GSDMC: variants seen among roughly 807,000 people sequenced by gnomAD.
GSDMC encodes the protein gasdermin C.
Under a neutral mutation model 58.0 loss-of-function variants are expected in GSDMC, and 59 were observed. The observed-to-expected ratio is 1.02, with a 90% CI of 0.82 to 1.26. The LOEUF is 1.26. Among genes scored for constraint, GSDMC ranks in the 50% most tolerant of loss-of-function variants. The pLI, the probability that GSDMC is intolerant of heterozygous loss-of-function variation, is 0.00. For missense variants in GSDMC, 659 were observed against 598.5 expected (o/e 1.10, Z -1.06); for synonymous variants, 241 against 220.2 (o/e 1.09, Z -0.83).
chr8:129,706,799 C>G, the GSDMC span, among the ~76,000 whole-genome samples: 1 of 152,310 alleles, frequency 6.6e-6, no homozygotes, highest in Admixed American at 6.5e-5. Context: ...TTTGGAAAGC[C>G]ATATTCTCTC....
At chr8:129,716,111 G>A in the GSDMC span, among the ~76,000 whole-genome samples, 1 of 152,002 alleles carries the variant, frequency 6.6e-6, no homozygotes, top group African/African-American at 2.4e-5. Context: ...CAACATATGG[G>A]CAATTTTTTT....
chr8:129,778,237 G>C (rs1456738960), intron 1 of GSDMC, among the ~76,000 whole-genome samples: 2 of 152,148 alleles, frequency 1.3e-5, no homozygotes, highest in Non-Finnish European at 2.9e-5. Context: ...AAATCAGCAA[G>C]TGCAAAGATT....
chr8:129,729,074 G>C, the GSDMC span: 157,770 of 633,210 alleles, frequency 0.25, 27,435 homozygotes, highest in African/African-American at 0.65. Flanking sequence ...AAATAACTCA[G>C]TTGAAGCATC....
At chr8:129,740,828 C>T in the GSDMC span, among the ~76,000 whole-genome samples, 1 of 152,110 alleles carries the variant, frequency 6.6e-6, no homozygotes, top group Non-Finnish European at 1.5e-5. Context: ...TCCTTTACTG[C>T]ACAGAAGCTT....
chr8:129,754,850 A>G (rs1312436992), intron 6 of GSDMC, among the ~76,000 whole-genome samples: 2 of 152,224 alleles, frequency 1.3e-5, no homozygotes, highest in African/African-American at 2.4e-5. Context: ...ACTTAATAAT[A>G]GACTCAATCA....
chr8:129,733,457 A>G, the GSDMC span, among the ~76,000 whole-genome samples: 2 of 152,124 alleles, frequency 1.3e-5, no homozygotes, highest in Non-Finnish European at 2.9e-5. Flanking sequence ...CTGGGATGAA[A>G]CTTCCAGAGG....
chr8:129,717,762 T>G, the GSDMC span, among the ~76,000 whole-genome samples: 1 of 152,162 alleles, frequency 6.6e-6, no homozygotes, highest in South Asian at 2.1e-4. Flanking sequence ...GCTACCTGAC[T>G]TCAAACTACA....
chr8:129,733,732 T>C, the GSDMC span, among the ~76,000 whole-genome samples: 2 of 151,938 alleles, frequency 1.3e-5, no homozygotes, highest in African/African-American at 4.8e-5. Context: ...AGCAGAAAAG[T>C]TGAAAATTCT....
chr8:129,761,700 C>A (rs1214992409), intron 5 of GSDMC, among the ~76,000 whole-genome samples: 1 of 152,202 alleles, frequency 6.6e-6, no homozygotes, highest in African/African-American at 2.4e-5. Context: ...CAGCAGGACT[C>A]TCTGACCTCT....
rs781768208 is a variant in GSDMC, at chr8:129,765,798, G to A, written c.405-5C>T. 7.5e-5 allele frequency: 121 copies of A among 1,611,834 alleles called. 3 individuals carry two copies. The South Asian group carries it at 1.3e-3, about 17-fold the overall frequency. On this transcript the variant is annotated splice_polypyrimidine_tract_variant and splice_region_variant and intron_variant, in intron 3 of 13. Transcript: ENST00000276708. ...GGCTCTGGATCCAACAGTTTCCTGG[G>A]GATTTAAGGAAGGAGGACAAGAGTC...
chr8:129,749,948 C>A (rs200193960), intron 12 of GSDMC, 42 bp downstream of exon 12: 4 of 1,534,396 alleles, frequency 2.6e-6, no homozygotes, highest in Non-Finnish European at 3.5e-6. Context: ...TCCTGGGGAC[C>A]AATCTTGTGA....
At chr8:129,741,915 AATAT>A in the GSDMC span, among the ~76,000 whole-genome samples, 25,996 of 126,206 alleles carry the variant, frequency 0.21, 2,884 homozygotes, top group Admixed American at 0.24. Flanking sequence ...AAGAAAATGT[AATAT>A]ATATATATAT....
chr8:129,771,289 T>C (rs1477743805), intron 3 of GSDMC, among the ~76,000 whole-genome samples: 2 of 151,802 alleles, frequency 1.3e-5, no homozygotes, highest in Non-Finnish European at 2.9e-5. Flanking sequence ...TGCAGAAATA[T>C]AAGACTTGAA....
At chr8:129,767,784 AAT>A (rs1471149096) in intron 3 of GSDMC, among the ~76,000 whole-genome samples, 1 of 151,952 alleles carries the variant, frequency 6.6e-6, no homozygotes. Context: ...GCTCCATCTG[AAT>A]ATGGCATTCA....
At chr8:129,728,301 G>T in the GSDMC span, among the ~76,000 whole-genome samples, 2 of 152,158 alleles carry the variant, frequency 1.3e-5, no homozygotes, top group African/African-American at 4.8e-5. Context: ...CTGCCCCACT[G>T]TTTCTGTGCA....
intron 5 of GSDMC, among the ~76,000 whole-genome samples, chr8:129,761,639 A>G (rs7824740): frequency 0.1 from 15,256 of 152,162 alleles, 2,603 homozygotes; most frequent in African/African-American, 0.35. Flanking sequence ...TGTTAAAATC[A>G]TCTTATCATT....
At chr8:129,759,091 G>T (rs1022720917) in intron 6 of GSDMC, among the ~76,000 whole-genome samples, 1 of 152,116 alleles carries the variant, frequency 6.6e-6, no homozygotes, top group Non-Finnish European at 1.5e-5. Context: ...TGACAAAGTT[G>T]CCAAGCACAT....
rs2033211678 is a variant in GSDMC, at chr8:129,751,890, T to C, written c.888A>G (p.Lys296=). 6.2e-7 allele frequency: 1 copy of C among 1,612,658 alleles called. No homozygotes were observed. The highest frequency in any genetic ancestry group is 8.5e-7 in the Non-Finnish European group (1 of 1,178,922). ...TQQFLSGHLP[K]YEQVHILPVG... is the part of the protein sequence containing the mutation. ...CTGGGAGGATGTGAACTTGTTCGTATTCTAAAAAAAGAAATGAAATTCCTC... is the reference window on the plus strand; with the variant it reads ...CTGGGAGGATGTGAACTTGTTCGTACTCTAAAAAAAGAAATGAAATTCCTC... Residue 296 remains lysine, a splice_region_variant and synonymous_variant, in exon 9 of 14, where the codon AAA becomes AAG. Transcript: ENST00000276708.
Position 129,748,404 on chromosome 8 carries a change from G to T in GSDMC, c.*97C>A. ...TGTCTCTACTCCACCTGGAAACGCA[G>T]AGAGGCACAGCCCTATCTCTTGCAC... On this transcript the variant is annotated 3_prime_UTR_variant, in exon 14 of 14. Transcript: ENST00000276708. 8.0e-7 allele frequency: 1 copy of T among 1,249,292 alleles called. No homozygotes were observed. The highest frequency in any genetic ancestry group is 1.1e-6 in the Non-Finnish European group (1 of 919,004). 77.4% of individuals were successfully genotyped at this position (1,249,292 alleles called of 1,614,324 possible).
Sources: allele counts gnomAD v4.1 joint callset (sites outside exome capture counted in the v4.1 genomes callset), GRCh38; gene constraint gnomAD v4.1.1; transcripts MANE v1.5; gene names NCBI Gene and HGNC (gene_info 2026-07-23, HGNC 2026-07-21).